MRTFB: variants seen among roughly 807,000 people sequenced by gnomAD.
MRTFB encodes the protein myocardin related transcription factor B.
MRTFB carries 29 observed loss-of-function variants against 104.2 expected under a neutral mutation model. The observed-to-expected ratio is 0.28, with a 90% CI of 0.21 to 0.38. MRTFB has a LOEUF of 0.38. Among genes scored for constraint, MRTFB ranks in the 10% least tolerant of loss-of-function variants. The probability of loss-of-function intolerance (pLI) is 1.00; values close to 1 mark genes in which losing one functional copy is unlikely to be tolerated. For missense variants in MRTFB, 1,270 were observed against 1,341.6 expected, an observed-to-expected ratio of 0.95 and a Z score of 0.83; for synonymous variants, 535 against 519.5, an observed-to-expected ratio of 1.03 and a Z score of -0.41.
At chr16:14,071,193 G>C (rs2141743699), upstream of MRTFB, 1 of 153,244 alleles carries the variant, frequency 6.5e-6, no homozygotes, top group Admixed American at 6.5e-5. Flanking sequence ...CGAGCAGCGA[G>C]AGAGGCCGGG....
At position 14,093,330 on chromosome 16, in the gene MRTFB, G is replaced by A. The variant is rs8050053; in HGVS notation, c.-64+13976G>A. ...CTCTTGTCCTGCCACCCTTCCATAT[G>A]ACAAGATATTATAGTAAACTGCATA... On this transcript the variant is annotated intron_variant, in intron 2 of 16. Coordinates refer to ENST00000571589, the MANE Select transcript of MRTFB (RefSeq NM_001308142.2). Among the ~76,000 whole-genome samples the A allele has an allele frequency of 2.5e-3, 378 of 151,646 alleles. 1 individual carries two copies. Among genetic ancestry groups the A allele is most frequent in the African/African-American group, 8.7e-3 (358 of 41,354 alleles).
chr16:14,193,011 A>G (rs761535958), intron 3 of MRTFB, among the ~76,000 whole-genome samples: 2 of 152,022 alleles, frequency 1.3e-5, no homozygotes, highest in African/African-American at 4.8e-5. Context: ...CACGGCCAAC[A>G]GCCCTGTCCA....
At chr16:14,204,482 G>A (rs1175353576) in intron 3 of MRTFB, among the ~76,000 whole-genome samples, 1 of 151,944 alleles carries the variant, frequency 6.6e-6, no homozygotes, top group Non-Finnish European at 1.5e-5. Flanking sequence ...GTTTATCATT[G>A]GATAAGCTAC....
rs1280495808 is a variant in MRTFB, at chr16:14,264,225, CT to C, written c.*2782del. The C allele has an allele frequency of 4.6e-5, 7 of 152,204 alleles. No homozygotes were observed. The highest frequency in any genetic ancestry group is 1.7e-4 in the African/African-American group (7 of 41,446). The allele number at this position is 152,204 out of a possible 1,614,324, so 9.4% of individuals were successfully genotyped here. On this transcript the variant is annotated 3_prime_UTR_variant, in exon 17 of 17. Coordinates refer to ENST00000571589, the MANE Select transcript of MRTFB (RefSeq NM_001308142.2). ...AAGTATCATACTGCCAAGAAAATAA[CT>C]CCTAGAAAGGCATTATCTCACATCC...
chr16:14,263,379 AAG>A lies in MRTFB; in HGVS notation c.*1936_*1937del, dbSNP rs1255127611. ...CCAGGGCCAGGCTATTTACTTGGGA[AAG>A]TATTTTTCTTACAGTTCTTGGCCAC... On this transcript the variant is annotated 3_prime_UTR_variant, in exon 17 of 17. Transcript: ENST00000571589. 3 of 152,152 alleles carry A rather than the reference AAG, an allele frequency of 2.0e-5. No individual in the cohort carries two copies. Among genetic ancestry groups the A allele is most frequent in the African/African-American group, 7.2e-5 (3 of 41,428 alleles). The allele number at this position is 152,152 out of a possible 1,614,324, so 9.4% of individuals were successfully genotyped here.
intron 3 of MRTFB, among the ~76,000 whole-genome samples, chr16:14,155,445 C>T (rs1597098624): frequency 6.6e-6 from 1 of 151,950 alleles, no homozygotes; most frequent in East Asian, 1.9e-4. Flanking sequence ...AATTTTCCTC[C>T]TATTTAAGAG....
At chr16:14,030,548 G>A in the MRTFB span, among the ~76,000 whole-genome samples, 1 of 152,216 alleles carries the variant, frequency 6.6e-6, no homozygotes, top group African/African-American at 2.4e-5. Flanking sequence ...CAATGCAAGT[G>A]TGCAGGGGGT....
chr16:14,218,885 G>T lies in MRTFB; in HGVS notation c.580G>T (p.Ala194Ser). 1.2e-6 allele frequency: 2 copies of T among 1,614,036 alleles called. No homozygotes were observed. The highest frequency in any genetic ancestry group is 1.7e-6 in the Non-Finnish European group (2 of 1,179,988). ...CTCATTTGATGAAGACAGCAGTGACGCTTTGTCTCCGGACCAGCCTGCGAG... is the reference window on the plus strand; with the variant it reads ...CTCATTTGATGAAGACAGCAGTGACTCTTTGTCTCCGGACCAGCCTGCGAG... ...DFSFDEDSSD[A>S]LSPDQPASQE... The change falls in exon 8 of 17, where the codon GCT becomes TCT. Residue 194 changes from alanine (A) to serine (S), a missense_variant. By Grantham distance (99) the Ala-to-Ser change is moderately conservative. Transcript: ENST00000571589.
the MRTFB span, among the ~76,000 whole-genome samples, chr16:14,053,410 A>G: frequency 1.3e-5 from 2 of 152,154 alleles, no homozygotes; most frequent in African/African-American, 2.4e-5. Flanking sequence ...CAACATAGTG[A>G]GACCTTGACT....
chr16:14,120,400 G>A (rs1043753369), intron 2 of MRTFB, among the ~76,000 whole-genome samples: 1 of 152,050 alleles, frequency 6.6e-6, no homozygotes, highest in Admixed American at 6.5e-5. Flanking sequence ...ATCCTACCAT[G>A]TTTCCTTCTA....
the MRTFB span, among the ~76,000 whole-genome samples, chr16:14,046,353 T>G: frequency 2.0e-5 from 3 of 152,116 alleles, no homozygotes; most frequent in African/African-American, 7.2e-5. Context: ...TTTTGTTGAA[T>G]GAATGAATGA....
chr16:14,086,803 A>C lies in MRTFB; in HGVS notation c.-64+7449A>C, dbSNP rs578006406. Among the ~76,000 whole-genome samples the C allele has an allele frequency of 2.0e-5, 3 of 152,348 alleles. No homozygotes were observed. The East Asian group carries it at 5.8e-4, about 29-fold the overall frequency. ...TTAAACAGAAGTCTTAATTAAAATTAAGGCTTTATTATTTATTTATCCTCT... is the reference window on the plus strand; with the variant it reads ...TTAAACAGAAGTCTTAATTAAAATTCAGGCTTTATTATTTATTTATCCTCT... On this transcript the variant is annotated intron_variant, in intron 2 of 16. Transcript: ENST00000571589.
the MRTFB span, among the ~76,000 whole-genome samples, chr16:14,013,669 G>A: frequency 1.3e-5 from 2 of 152,204 alleles, no homozygotes; most frequent in Admixed American, 1.3e-4. Context: ...GACATATTTT[G>A]TTTTCTCTTG....
intron 8 of MRTFB, among the ~76,000 whole-genome samples, chr16:14,222,092 G>A (rs368216030): frequency 5.3e-5 from 8 of 151,932 alleles, no homozygotes; most frequent in Non-Finnish European, 7.4e-5. Context: ...TTTAATTTTC[G>A]ATGCATGTGG....
the MRTFB span, among the ~76,000 whole-genome samples, chr16:14,008,515 C>T: frequency 6.6e-6 from 1 of 152,310 alleles, no homozygotes; most frequent in East Asian, 1.9e-4. Context: ...AGGTTTATTT[C>T]TGGACTGTCA....
chr16:14,116,702 T>C (rs1481651398), intron 2 of MRTFB, among the ~76,000 whole-genome samples: 1 of 152,082 alleles, frequency 6.6e-6, no homozygotes, highest in Non-Finnish European at 1.5e-5. Context: ...TAAGCACCAT[T>C]GTAAGGTGTT....
the MRTFB span, among the ~76,000 whole-genome samples, chr16:14,033,015 T>C: frequency 7.8e-6 from 1 of 127,506 alleles, no homozygotes; most frequent in Non-Finnish European, 1.8e-5. Context: ...TTTCCCTTTG[T>C]AGTTTTTTTT....
intron 2 of MRTFB, among the ~76,000 whole-genome samples, chr16:14,115,463 GTAACCTAA>G (rs2036495953): frequency 1.3e-5 from 2 of 152,130 alleles, no homozygotes; most frequent in Admixed American, 6.5e-5. Flanking sequence ...TAATCATTCA[GTAACCTAA>G]TTTGCCCCAA....
At chr16:14,151,098 G>C (rs930901299) in intron 3 of MRTFB, 1 of 152,186 alleles carries the variant, frequency 6.6e-6, no homozygotes. Flanking sequence ...AATAGCAACA[G>C]GAGGTGACTA....
Sources: allele counts gnomAD v4.1 joint callset (sites outside exome capture counted in the v4.1 genomes callset), GRCh38; gene constraint gnomAD v4.1.1; transcripts MANE v1.5; gene names NCBI Gene and HGNC (gene_info 2026-07-23, HGNC 2026-07-21).